ABCG1: variants seen among roughly 807,000 people sequenced by gnomAD.
The protein encoded by ABCG1 is ATP-binding cassette sub-family G member 1.
Under a neutral mutation model 69.2 loss-of-function variants are expected in ABCG1, and 29 were observed. The ratio of observed to expected loss-of-function variants is 0.42; its 90% confidence interval spans 0.31 to 0.57. ABCG1 has a LOEUF of 0.57. Among genes scored for constraint, ABCG1 ranks in the 20% least tolerant of loss-of-function variants. The pLI, the probability that ABCG1 is intolerant of heterozygous loss-of-function variation, is 0.15. For missense variants in ABCG1, 718 were observed against 898.1 expected (o/e 0.80, Z 2.56); for synonymous variants, 370 against 374.8 (o/e 0.99, Z 0.15).
At chr21:42,238,564 G>A (rs570515383) in intron 2 of ABCG1, among the ~76,000 whole-genome samples, 34 of 152,184 alleles carry the variant, frequency 2.2e-4, no homozygotes, top group Non-Finnish European at 3.5e-4. Context: ...CTTTCAGATC[G>A]CTGGATGACA....
chr21:42,275,413 T>C (rs1303756089), intron 4 of ABCG1, among the ~76,000 whole-genome samples: 2 of 152,052 alleles, frequency 1.3e-5, no homozygotes, highest in Non-Finnish European at 2.9e-5. Flanking sequence ...CTCTGAGGAG[T>C]TGGCGAACAG....
Position 42,296,847 on chromosome 21 carries a change from T to C in ABCG1, c.*455T>C, listed in dbSNP as rs564209979. On this transcript the variant is annotated 3_prime_UTR_variant, in exon 15 of 15. Transcript: ENST00000398449. The surrounding 1 kb of genome is among the most constrained non-coding windows in gnomAD (Gnocchi z 5.4). ...GCATGGAGCGATTCCATTTTATGACTGTTGTTTTTCACATTTTCATCTTTC... is the reference window on the plus strand; with the variant it reads ...GCATGGAGCGATTCCATTTTATGACCGTTGTTTTTCACATTTTCATCTTTC... 37 of 175,022 alleles carry C rather than the reference T, an allele frequency of 2.1e-4. No individual in the cohort carries two copies. In the East Asian group the frequency reaches 4.7e-3, roughly 22 times the overall value. The allele number at this position is 175,022 out of a possible 1,614,324, so 10.8% of individuals were successfully genotyped here.
chr21:42,284,551 G>C lies in ABCG1; in HGVS notation c.735-9G>C, dbSNP rs1297722621. ...CCGCAGGCGTCTCACGGTGCCTCTT[G>C]ACTTGCAGCGGCCTGGACAGCGCCT... On this transcript the variant is annotated splice_polypyrimidine_tract_variant and intron_variant, in intron 6 of 14. Transcript: ENST00000398449. 6.2e-7 allele frequency: 1 copy of C among 1,612,308 alleles called. No homozygotes were observed. The highest frequency in any genetic ancestry group is 8.5e-7 in the Non-Finnish European group (1 of 1,179,942).
upstream of ABCG1, chr21:42,216,269 A>G: frequency 2.8e-6 from 1 of 360,332 alleles, no homozygotes; most frequent in Non-Finnish European, 5.6e-6. Flanking sequence ...ATGGACTAAT[A>G]CAGACAGGAA....
Position 42,288,443 on chromosome 21 carries a change from C to CA in ABCG1, c.1224+132dup, listed in dbSNP as rs2068990942. On this transcript the variant is annotated intron_variant, in intron 10 of 14. Transcript: ENST00000398449. The surrounding 1 kb of genome is among the most constrained non-coding windows in gnomAD (Gnocchi z 4.8). ...ATTCATGAGGCCAGGCATGGTGACT[C>CA]ATGTCTGTAACCCCAGCACTTTGGG... is the stretch of plus-strand genomic sequence containing the variant. The CA allele has an allele frequency of 1.4e-6, 1 of 712,920 alleles. No homozygotes were observed. Among genetic ancestry groups the CA allele is most frequent in the Non-Finnish European group, 2.3e-6 (1 of 426,290 alleles). The allele number at this position is 712,920 out of a possible 1,614,324, so 44.2% of individuals were successfully genotyped here.
chr21:42,260,807 G>C (rs903732912), intron 2 of ABCG1, among the ~76,000 whole-genome samples: 1 of 151,958 alleles, frequency 6.6e-6, no homozygotes, highest in Non-Finnish European at 1.5e-5. Context: ...CCACAGCTGT[G>C]TGCCTCCCTC....
At chr21:42,227,652 C>T (rs1327638436) in intron 2 of ABCG1, among the ~76,000 whole-genome samples, 6 of 152,228 alleles carry the variant, frequency 3.9e-5, no homozygotes, top group Non-Finnish European at 7.3e-5. Context: ...GTATCGCTCC[C>T]CTACCCAGTG....
chr21:42,256,519 G>A (rs1363365664), intron 2 of ABCG1: 1 of 1,549,426 alleles, frequency 6.5e-7, no homozygotes, highest in African/African-American at 1.4e-5. Flanking sequence ...TGCGTGCCTG[G>A]GTGATGAGAA....
chr21:42,250,700 G>A (rs563152245), intron 2 of ABCG1, among the ~76,000 whole-genome samples: 11 of 152,330 alleles, frequency 7.2e-5, no homozygotes, highest in African/African-American at 2.6e-4. Flanking sequence ...GGTCTCTCCC[G>A]CGGTACCCTC....
rs532835078 is a variant in ABCG1, at chr21:42,210,924, A to C, written c.48+9201A>C. Among the ~76,000 whole-genome samples, 273 of 152,100 alleles carry C rather than the reference A, an allele frequency of 1.8e-3. 1 individual carries two copies. Among genetic ancestry groups the C allele is most frequent in the African/African-American group, 6.3e-3 (262 of 41,480 alleles). The stretch of plus-strand genomic sequence containing the variant: ...CAAGAGTGCCAGCAAAATAGGAAAC[A>C]AACAGTGGAGATTAAGCATTCTCAT... On this transcript the variant is annotated intron_variant, in intron 2 of 15. Coordinates refer to the ABCG1 transcript ENST00000398457.
At position 42,219,856 on chromosome 21, in the gene ABCG1, G is replaced by A. The variant is rs2067693072; in HGVS notation, c.42+552G>A. On this transcript the variant is annotated intron_variant, in intron 1 of 14. Coordinates refer to ENST00000398449, the MANE Select transcript of ABCG1 (RefSeq NM_016818.3). The surrounding 1 kb of genome is among the most constrained non-coding windows in gnomAD (Gnocchi z 5.3). ...TGCACTCCCGGGGACACCCTCTCCC[G>A]GACCCACTCGGGGAGGCGGCGGCGA... is the stretch of plus-strand genomic sequence containing the variant. The A allele has an allele frequency of 6.6e-7, 1 of 1,525,636 alleles. No homozygotes were observed. The highest frequency in any genetic ancestry group is 1.2e-5 in the South Asian group (1 of 81,476). 94.5% of individuals were successfully genotyped at this position (1,525,636 alleles called of 1,614,324 possible).
chr21:42,234,079 C>T (rs1349779635), intron 2 of ABCG1, among the ~76,000 whole-genome samples: 1 of 151,868 alleles, frequency 6.6e-6, no homozygotes, highest in African/African-American at 2.4e-5. Flanking sequence ...CTGAGCAAAT[C>T]GTGTTTGCTT....
At chr21:42,238,541 G>A (rs1013754582) in intron 2 of ABCG1, among the ~76,000 whole-genome samples, 1 of 152,202 alleles carries the variant, frequency 6.6e-6, no homozygotes, top group Admixed American at 6.5e-5. Context: ...ATTTCTGAGA[G>A]ATCTCTCAAG....
At chr21:42,241,977 CAAA>C (rs35823612) in intron 2 of ABCG1, among the ~76,000 whole-genome samples, 10 of 94,216 alleles carry the variant, frequency 1.1e-4, no homozygotes, top group Admixed American at 2.3e-4. Context: ...GACCCTGTCT[CAAA>C]AAAAAAAAAA....
chr21:42,264,891 C>G (rs1385244576), intron 2 of ABCG1, among the ~76,000 whole-genome samples: 2 of 152,146 alleles, frequency 1.3e-5, no homozygotes, highest in Non-Finnish European at 1.5e-5. Context: ...TCTTGGGAAG[C>G]CTTGACAACA....
intron 2 of ABCG1, among the ~76,000 whole-genome samples, chr21:42,254,126 T>G (rs747517877): frequency 1.3e-5 from 2 of 152,100 alleles, no homozygotes; most frequent in Non-Finnish European, 2.9e-5. Context: ...GGATGGGGAA[T>G]GCTGAATGTG....
intron 2 of ABCG1, among the ~76,000 whole-genome samples, chr21:42,202,001 A>G (rs1460727622): frequency 6.6e-6 from 1 of 152,038 alleles, no homozygotes; most frequent in Non-Finnish European, 1.5e-5. Flanking sequence ...CCTTACCCTA[A>G]TGCTGTGGTT....
rs748929146 is a variant in ABCG1 at position 42,219,954 on chromosome 21, GAC to G, written c.42+651_42+652del. Reference sequence around the variant, plus strand: ...CCTTTCTGCGCGCGCCGGAGAGAGAGACGCGGTGGGGACAGGGATGCGCATTT... The same window carrying G: ...CCTTTCTGCGCGCGCCGGAGAGAGAGGCGGTGGGGACAGGGATGCGCATTT... On this transcript the variant is annotated intron_variant, in intron 1 of 14. Transcript: ENST00000398449. The surrounding 1 kb of genome is among the most constrained non-coding windows in gnomAD (Gnocchi z 5.3). The G allele has an allele frequency of 3.9e-6, 6 of 1,550,900 alleles. No individual in the cohort carries two copies. The South Asian group carries it at 4.8e-5, about 12-fold the overall frequency.
rs543035251 is a variant in ABCG1 at position 42,265,193 on chromosome 21, A to G, written c.287-5877A>G. Among the ~76,000 whole-genome samples, 60 of 152,094 alleles carry G rather than the reference A, an allele frequency of 3.9e-4. 1 individual carries two copies. The highest frequency in any genetic ancestry group is 1.0e-4 in the Non-Finnish European group (7 of 68,018). The stretch of plus-strand genomic sequence containing the variant: ...AGGCCCTCACGTCCCTCATTCCTGC[A>G]CCCACAGGTCAGTTTCCTCCTGGAG... On this transcript the variant is annotated intron_variant, in intron 2 of 14. Coordinates refer to ENST00000398449, the MANE Select transcript of ABCG1 (RefSeq NM_016818.3).
Sources: allele counts gnomAD v4.1 joint callset (sites outside exome capture counted in the v4.1 genomes callset), GRCh38; gene constraint gnomAD v4.1.1; non-coding constraint Gnocchi (gnomAD v3.1); transcripts MANE v1.5; gene names NCBI Gene and HGNC (gene_info 2026-07-23, HGNC 2026-07-21).